The following RIPOR2 variants were observed in gnomAD, a reference collection of about 807,000 sequenced individuals.
The protein encoded by RIPOR2 is rho family-interacting cell polarization regulator 2.
Under a neutral mutation model 114.5 loss-of-function variants are expected in RIPOR2, and 39 were observed. The observed-to-expected ratio is 0.34, with a 90% CI of 0.26 to 0.44. The LOEUF (loss-of-function observed/expected upper bound fraction) is 0.44, where lower values mean the gene tolerates loss of function less well. Ranked by LOEUF, RIPOR2 falls within the 20% of genes least tolerant of loss-of-function variation. RIPOR2 has a pLI of 1.00. For synonymous variants in RIPOR2, 445 were observed against 484.4 expected (o/e 0.92, Z 1.07); for missense variants, 1,007 against 1,255.1 (o/e 0.80, Z 2.99).
chr6:24,920,884 C>T (rs1414987946), intron 1 of RIPOR2, among the ~76,000 whole-genome samples: 1 of 152,122 alleles, frequency 6.6e-6, no homozygotes, highest in Admixed American at 6.5e-5. Context: ...CACTTTTTCC[C>T]ATACCCCCAG....
At chr6:25,000,850 C>T (rs1341572219) in intron 1 of RIPOR2, among the ~76,000 whole-genome samples, 4 of 133,276 alleles carry the variant, frequency 3.0e-5, no homozygotes, top group East Asian at 4.1e-4. Flanking sequence ...TATAAACATC[C>T]GTGGAGAAAT....
At chr6:24,827,270 G>A (rs758433639) in intron 18 of RIPOR2, among the ~76,000 whole-genome samples, 4 of 152,132 alleles carry the variant, frequency 2.6e-5, no homozygotes, top group Non-Finnish European at 4.4e-5. Context: ...CCCATGCTCC[G>A]TGCTGGTACA....
At chr6:24,989,666 A>T (rs192863145) in intron 1 of RIPOR2, among the ~76,000 whole-genome samples, 1 of 152,306 alleles carries the variant, frequency 6.6e-6, no homozygotes, top group Admixed American at 6.5e-5. Flanking sequence ...TTTACTCCTT[A>T]GAATAGCAGT....
At chr6:24,923,018 T>G (rs216265) in intron 1 of RIPOR2, among the ~76,000 whole-genome samples, 26,444 of 152,122 alleles carry the variant, frequency 0.17, 3,111 homozygotes, top group African/African-American at 0.33. Flanking sequence ...CTCTATGCCC[T>G]TTAAAGCAAT....
At chr6:24,975,299 A>G (rs903080599) in intron 1 of RIPOR2, among the ~76,000 whole-genome samples, 1 of 152,224 alleles carries the variant, frequency 6.6e-6, no homozygotes, top group African/African-American at 2.4e-5. Flanking sequence ...TGGGAAATAT[A>G]CTTTAATAAG....
intron 1 of RIPOR2, among the ~76,000 whole-genome samples, chr6:24,907,304 A>C (rs1213580746): frequency 2.6e-5 from 4 of 152,168 alleles, no homozygotes; most frequent in Admixed American, 6.5e-5. Flanking sequence ...TCTCCTCCAC[A>C]CAGTACTCAT....
intron 1 of RIPOR2, among the ~76,000 whole-genome samples, chr6:25,012,712 C>T (rs191987212): frequency 2.0e-5 from 3 of 152,058 alleles, no homozygotes; most frequent in Non-Finnish European, 4.4e-5. Flanking sequence ...TTAGTGCTTG[C>T]CTATGGCTGG....
At chr6:24,861,349 A>T (rs554613284) in intron 7 of RIPOR2, among the ~76,000 whole-genome samples, 1 of 152,236 alleles carries the variant, frequency 6.6e-6, no homozygotes, top group Non-Finnish European at 1.5e-5. Flanking sequence ...ATAGGGGAAA[A>T]AATTTCTACA....
chr6:24,876,738 G>A (rs1241555387), intron 1 of RIPOR2, among the ~76,000 whole-genome samples: 1 of 152,188 alleles, frequency 6.6e-6, no homozygotes, highest in Non-Finnish European at 1.5e-5. Flanking sequence ...GGCGGTCGGG[G>A]GGAAGGTAAG....
At chr6:25,011,867 C>A (rs1775786751) in intron 1 of RIPOR2, among the ~76,000 whole-genome samples, 1 of 151,970 alleles carries the variant, frequency 6.6e-6, no homozygotes, top group African/African-American at 2.4e-5. Context: ...TGACAAAATA[C>A]AAAATAGATA....
chr6:24,860,151 G>T lies in RIPOR2; in HGVS notation c.715+822C>A, dbSNP rs183874668. Among the ~76,000 whole-genome samples the T allele has an allele frequency of 6.8e-4, 104 of 152,282 alleles. 1 individual carries two copies. Among genetic ancestry groups the T allele is most frequent in the Non-Finnish European group, 5.6e-4 (38 of 68,020 alleles). ...GGAATAAATACCAGAAAGGCACTGG[G>T]AGGGGAAAAATTCTCTGTGGGTTTA... is the stretch of plus-strand genomic sequence containing the variant. On this transcript the variant is annotated intron_variant, in intron 8 of 21. Transcript: ENST00000643898.
chr6:24,846,675 C>T (rs1179479449), intron 12 of RIPOR2, among the ~76,000 whole-genome samples: 1 of 152,032 alleles, frequency 6.6e-6, no homozygotes, highest in Non-Finnish European at 1.5e-5. Context: ...GACTTTTAAT[C>T]CTTTCCTCTG....
At chr6:24,946,169 A>G (rs143238263) in intron 1 of RIPOR2, among the ~76,000 whole-genome samples, 1,569 of 151,460 alleles carry the variant, frequency 0.01, 33 homozygotes, top group African/African-American at 0.035. Context: ...TGCAACCTCC[A>G]CCTCCTGGGT....
intron 2 of RIPOR2, 33 bp downstream of exon 2, chr6:24,875,658 C>T: frequency 6.3e-7 from 1 of 1,595,990 alleles, no homozygotes; most frequent in Non-Finnish European, 8.5e-7. Flanking sequence ...CCTTGGCAAG[C>T]TGCATCCCGG....
intron 19 of RIPOR2, among the ~76,000 whole-genome samples, chr6:24,819,703 A>G (rs2113644454): frequency 7.1e-6 from 1 of 140,270 alleles, no homozygotes; most frequent in East Asian, 2.2e-4. Context: ...GGATTTTACC[A>G]TATTGGCCAG....
At chr6:24,982,148 C>T (rs992113083) in intron 1 of RIPOR2, among the ~76,000 whole-genome samples, 1 of 152,134 alleles carries the variant, frequency 6.6e-6, no homozygotes, top group Non-Finnish European at 1.5e-5. Context: ...TAAAAGAAAA[C>T]ATGTTTGTGG....
At chr6:24,847,478 C>A in intron 12 of RIPOR2, 1 of 1,492,234 alleles carries the variant, frequency 6.7e-7, no homozygotes, top group South Asian at 1.2e-5. Context: ...AAGAGACATG[C>A]TAAGTCACAC....
chr6:25,006,491 AC>A (rs1220811998), intron 1 of RIPOR2, among the ~76,000 whole-genome samples: 5 of 152,074 alleles, frequency 3.3e-5, no homozygotes, highest in Non-Finnish European at 7.4e-5. Flanking sequence ...TTGCCACCTC[AC>A]CCCCACAAAT....
rs1327110713 is a variant in RIPOR2, at chr6:24,858,780, C to A, written c.715+2193G>T. ...AGAGGAGGAGATGGAGGAGCAGGAG[C>A]AACAGCAAGTTCATCAGTCCATCAG... On this transcript the variant is annotated intron_variant, in intron 8 of 21. Coordinates refer to ENST00000643898, the MANE Select transcript of RIPOR2 (RefSeq NM_001286445.3). This position sits in a 1 kb window ranked among gnomAD's most constrained non-coding sequence, Gnocchi z 4.0. Among the ~76,000 whole-genome samples the A allele has an allele frequency of 6.6e-6, 1 of 152,116 alleles. No individual in the cohort carries two copies. The highest frequency in any genetic ancestry group is 1.5e-5 in the Non-Finnish European group (1 of 68,010).
Sources: allele counts gnomAD v4.1 joint callset (sites outside exome capture counted in the v4.1 genomes callset), GRCh38; gene constraint gnomAD v4.1.1; non-coding constraint Gnocchi (gnomAD v3.1); transcripts MANE v1.5; gene names NCBI Gene and HGNC (gene_info 2026-07-23, HGNC 2026-07-21).